The following ZBTB25 variants were observed in gnomAD, a reference collection of about 807,000 sequenced individuals.
ZBTB25 encodes the protein zinc finger and BTB domain-containing protein 25.
Under a neutral mutation model 34.2 loss-of-function variants are expected in ZBTB25, and 20 were observed. The ratio of observed to expected loss-of-function variants is 0.58; its 90% CI spans 0.41 to 0.85. The LOEUF (loss-of-function observed/expected upper bound fraction) is 0.85, where lower values mean the gene tolerates loss of function less well. ZBTB25 is among the 40% of genes least tolerant of loss of function. The pLI is 0.00. For missense variants in ZBTB25, 437 were observed against 521.8 expected, an observed-to-expected ratio of 0.84 and a Z score of 1.58; for synonymous variants, 175 against 186.4, an observed-to-expected ratio of 0.94 and a Z score of 0.50.
At chr14:64,456,198 C>G (rs74058121) in intron 2 of ZBTB25, among the ~76,000 whole-genome samples, 6 of 146,008 alleles carry the variant, frequency 4.1e-5, no homozygotes, top group African/African-American at 1.5e-4. Flanking sequence ...TGGAGAGAGA[C>G]ACAGCCTGCC....
intron 1 of ZBTB25, 145 bp downstream of exon 1, chr14:64,503,516 T>C: frequency 8.1e-6 from 8 of 985,764 alleles, no homozygotes; most frequent in Non-Finnish European, 9.6e-6. Context: ...CTGCCTGACA[T>C]CTCAATCGGA....
In ZBTB25 at chr14:64,483,221, C is replaced by T. The variant is rs985415615; in HGVS notation, c.*3702G>A. On this transcript the variant is annotated 3_prime_UTR_variant, in exon 3 of 3. Transcript: ENST00000608382. ...CTGCACTATACTATTAGGATACTGG[C>T]TAACAGTATAGCTCCATTTTGTGGA... is the stretch of plus-strand genomic sequence containing the variant. 1.3e-5 allele frequency: 2 copies of T among 152,120 alleles called. No individual in the cohort carries two copies. Among genetic ancestry groups the T allele is most frequent in the African/African-American group, 4.8e-5 (2 of 41,414 alleles). The allele number at this position is 152,120 out of a possible 1,614,324, so 9.4% of individuals were successfully genotyped here.
chr14:64,458,045 C>G (rs1432005843), intron 2 of ZBTB25: 11 of 664,926 alleles, frequency 1.7e-5, no homozygotes, highest in Non-Finnish European at 3.0e-5. Flanking sequence ...CACATGCCAT[C>G]ATATCCAGCT....
At chr14:64,449,377 G>C in exon 3 of ZBTB25, 1 of 1,568,754 alleles carries the variant, frequency 6.4e-7, no homozygotes, top group Non-Finnish European at 8.7e-7. Flanking sequence ...AGGTTTAATG[G>C]CAAAAAGAAG....
Position 64,486,492 on chromosome 14 carries a change from G to C in ZBTB25, c.*431C>G. 1.0e-5 allele frequency: 10 copies of C among 964,944 alleles called. No homozygotes were observed. The highest frequency in any genetic ancestry group is 1.2e-5 in the Non-Finnish European group (10 of 810,820). The allele number at this position is 964,944 out of a possible 1,614,324, so 59.8% of individuals were successfully genotyped here. A position where few individuals can be genotyped will look rare whatever the true frequency, so the allele number is the denominator to read the frequency against. On this transcript the variant is annotated 3_prime_UTR_variant, in exon 3 of 3. Transcript: ENST00000608382. ...GTAACTATTAATTTCCTATATGGAA[G>C]AAAATATTTAAAAATAATCCTGGTA...
intron 2 of ZBTB25, among the ~76,000 whole-genome samples, chr14:64,452,603 C>G (rs1245783350): frequency 1.3e-5 from 2 of 152,226 alleles, no homozygotes; most frequent in Non-Finnish European, 2.9e-5. Flanking sequence ...CTTCAGGTGC[C>G]ACAGAAAGTG....
chr14:64,502,354 A>G (rs1337156344), intron 1 of ZBTB25, among the ~76,000 whole-genome samples: 2 of 152,214 alleles, frequency 1.3e-5, no homozygotes, highest in African/African-American at 2.4e-5. Flanking sequence ...GTCATATCCC[A>G]TCAGTGTTCT....
Position 64,479,358 on chromosome 14 carries a change from A to G in ZBTB25, c.*7565T>C, listed in dbSNP as rs1263195803. On this transcript the variant is annotated 3_prime_UTR_variant, in exon 3 of 3. Coordinates refer to ENST00000608382, the MANE Select transcript of ZBTB25 (RefSeq NM_006977.5). ...CTAGATGCCAGCAGCAGCCTCCCTC[A>G]TCGCCCACCCAACTGTGACAACCAA... is the stretch of plus-strand genomic sequence containing the variant. 1 of 152,238 alleles carries G rather than the reference A, an allele frequency of 6.6e-6. No individual in the cohort carries two copies. 9.4% of individuals were successfully genotyped at this position (152,238 alleles called of 1,614,324 possible).
At chr14:64,475,557 T>C (rs2078712084), downstream of ZBTB25, among the ~76,000 whole-genome samples, 1 of 152,208 alleles carries the variant, frequency 6.6e-6, no homozygotes, top group Non-Finnish European at 1.5e-5. Flanking sequence ...CTACCTTTAA[T>C]GCTGACGTCT....
rs2078808903 is a variant in ZBTB25 at position 64,482,744 on chromosome 14, T to A, written c.*4179A>T. 6.6e-6 allele frequency: 1 copy of A among 152,252 alleles called. No homozygotes were observed. Among genetic ancestry groups the A allele is most frequent in the South Asian group, 2.1e-4 (1 of 4,834 alleles). The allele number at this position is 152,252 out of a possible 1,614,324, so 9.4% of individuals were successfully genotyped here. ...ATATTAGATAGTACATTACTGCTTTTAAGAACATTTTAGAATTTATAGGCT... is the reference window on the plus strand; with the variant it reads ...ATATTAGATAGTACATTACTGCTTTAAAGAACATTTTAGAATTTATAGGCT... On this transcript the variant is annotated 3_prime_UTR_variant, in exon 3 of 3. Coordinates refer to ENST00000608382, the MANE Select transcript of ZBTB25 (RefSeq NM_006977.5).
At chr14:64,488,953 C>T (rs59577187) in intron 2 of ZBTB25, among the ~76,000 whole-genome samples, 36,686 of 152,094 alleles carry the variant, frequency 0.24, 5,170 homozygotes, top group East Asian at 0.42. Context: ...TCTGAAAGAA[C>T]CTATTGAAAT....
At chr14:64,505,149 G>A, upstream of ZBTB25, 1 of 339,158 alleles carries the variant, frequency 2.9e-6, no homozygotes, top group East Asian at 4.5e-5. Context: ...TCCCGGGCGT[G>A]CGGCCTCCCT....
chr14:64,490,202 T>C (rs1269657385), intron 2 of ZBTB25, among the ~76,000 whole-genome samples, 159 bp downstream of exon 2: 1 of 83,024 alleles, frequency 1.2e-5, no homozygotes, highest in African/African-American at 5.6e-5. Flanking sequence ...AGCAAGACTC[T>C]GTCGCCAAAA....
At chr14:64,469,184 G>C (rs747309709) in intron 2 of ZBTB25, 1 of 1,614,124 alleles carries the variant, frequency 6.2e-7, no homozygotes, top group Non-Finnish European at 8.5e-7. Context: ...AGTACTTTCT[G>C]ATGTTCCTCC....
intron 1 of ZBTB25, among the ~76,000 whole-genome samples, chr14:64,495,911 C>T (rs1218137595): frequency 1.3e-5 from 2 of 151,136 alleles, no homozygotes. Context: ...GCTGAGATCA[C>T]GCTACTGCAC....
At chr14:64,456,032 T>G (rs906935895) in intron 2 of ZBTB25, among the ~76,000 whole-genome samples, 8 of 152,232 alleles carry the variant, frequency 5.3e-5, no homozygotes, top group East Asian at 1.9e-4. Flanking sequence ...GAAATATGTG[T>G]TGTTCTTTTT....
chr14:64,449,745 G>T lies in ZBTB25; in HGVS notation c.174-107C>A, dbSNP rs899481515. ...TTCAGCCTTGCGGTTTGATTCCCACGTAGGTGACTTACACAACCACAGCCT... is the reference window on the plus strand; with the variant it reads ...TTCAGCCTTGCGGTTTGATTCCCACTTAGGTGACTTACACAACCACAGCCT... On this transcript the variant is annotated intron_variant, in intron 2 of 2. Coordinates refer to the ZBTB25 transcript ENST00000555220. 7 of 1,152,260 alleles carry T rather than the reference G, an allele frequency of 6.1e-6. No homozygotes were observed. In the South Asian group the frequency reaches 7.9e-5, roughly 13 times the overall value. 71.4% of individuals were successfully genotyped at this position (1,152,260 alleles called of 1,614,324 possible).
At chr14:64,467,500 C>A (rs1201651593) in intron 2 of ZBTB25, 3 of 152,174 alleles carry the variant, frequency 2.0e-5, no homozygotes, top group African/African-American at 7.2e-5. Context: ...TGGGAAATGA[C>A]AGTAATGCTA....
intron 1 of ZBTB25, among the ~76,000 whole-genome samples, chr14:64,501,498 C>A (rs1292175260): frequency 6.6e-6 from 1 of 152,190 alleles, no homozygotes; most frequent in African/African-American, 2.4e-5. Flanking sequence ...GGAATAAATA[C>A]ACAGAAAAGG....
Sources: allele counts gnomAD v4.1 joint callset (sites outside exome capture counted in the v4.1 genomes callset), GRCh38; gene constraint gnomAD v4.1.1; transcripts MANE v1.5; gene names NCBI Gene and HGNC (gene_info 2026-07-23, HGNC 2026-07-21).